The following RIOK3 variants were observed in gnomAD, a reference collection of about 807,000 sequenced individuals.
RIOK3 encodes serine/threonine-protein kinase RIO3.
RIOK3 carries 40 observed loss-of-function variants against 63.5 expected under a neutral mutation model. The observed-to-expected ratio is 0.63, with a 90% CI of 0.49 to 0.82. RIOK3 has a LOEUF of 0.82. RIOK3 is among the 40% of genes least tolerant of loss of function. The probability of loss-of-function intolerance (pLI) is 0.00; values close to 1 mark genes in which losing one functional copy is unlikely to be tolerated. For missense variants in RIOK3, 557 were observed against 637.0 expected (o/e 0.87, Z 1.35); for synonymous variants, 193 against 205.0 (o/e 0.94, Z 0.50).
Position 23,473,683 on chromosome 18 carries a change from T to TA in RIOK3, c.1013+64dup, listed in dbSNP as rs1230011639. 5.5e-6 allele frequency: 7 copies of TA among 1,284,222 alleles called. No individual in the cohort carries two copies. The Admixed American group carries it at 6.7e-5, about 12-fold the overall frequency. The allele number at this position is 1,284,222 out of a possible 1,614,324, so 79.6% of individuals were successfully genotyped here. A position where few individuals can be genotyped will look rare whatever the true frequency, so the allele number is the denominator to read the frequency against. On this transcript the variant is annotated intron_variant, in intron 8 of 12. Transcript: ENST00000339486. Reference sequence around the variant, plus strand: ...GGGTAAATACCTTTTTGCATTAGGATAAAAAAATCCATGCTTTCTTTTACA... The same window carrying TA: ...GGGTAAATACCTTTTTGCATTAGGATAAAAAAAATCCATGCTTTCTTTTACA...
intron 1 of RIOK3, among the ~76,000 whole-genome samples, chr18:23,460,740 T>TAAG (rs2057368341): frequency 6.6e-6 from 1 of 152,210 alleles, no homozygotes; most frequent in East Asian, 1.9e-4. Flanking sequence ...TTGTATCTTC[T>TAAG]ACCTAGAGGA....
chr18:23,480,555 G>GCACGCACACACA (rs1555621688), intron 12 of RIOK3, among the ~76,000 whole-genome samples: 1 of 141,988 alleles, frequency 7.0e-6, no homozygotes, highest in Non-Finnish European at 1.5e-5. Flanking sequence ...TTGGATGCAC[G>GCACGCACACACA]CACACACACA....
chr18:23,453,490 G>A lies in RIOK3; in HGVS notation c.51G>A (p.Trp17Ter). 1 of 1,613,522 alleles carries A rather than the reference G, an allele frequency of 6.2e-7. No homozygotes were observed. Reference sequence around the variant, plus strand: ...CTGAGCCCGGGACGGCAGCGGCCTGGGGACCCAGCAAGGTAAGTGGCAGAC... The same window carrying A: ...CTGAGCCCGGGACGGCAGCGGCCTGAGGACCCAGCAAGGTAAGTGGCAGAC... ...ASPEPGTAAA[W>*]GPSKCPWAIP... The change falls in exon 1 of 13, where the codon TGG (tryptophan) becomes TGA (stop). Residue 17 changes from tryptophan (W) to a stop codon, truncating the protein, a stop_gained. Coordinates refer to ENST00000339486, the MANE Select transcript of RIOK3 (RefSeq NM_003831.5). LOFTEE classifies it high-confidence loss of function.
intron 12 of RIOK3, among the ~76,000 whole-genome samples, chr18:23,480,539 G>A (rs952803037): frequency 2.1e-5 from 3 of 139,896 alleles, no homozygotes; most frequent in African/African-American, 8.1e-5. Context: ...GACTATTTGT[G>A]TATACTTGGA....
chr18:23,475,462 CAAAAAAAA>C (rs60717269), intron 9 of RIOK3, among the ~76,000 whole-genome samples: 1 of 99,324 alleles, frequency 1.0e-5, no homozygotes, highest in Non-Finnish European at 1.9e-5. Context: ...GACTCTGTCT[CAAAAAAAA>C]AAAAAAAAAA....
intron 1 of RIOK3, among the ~76,000 whole-genome samples, chr18:23,455,792 C>T (rs2057336735): frequency 6.6e-6 from 1 of 151,680 alleles, no homozygotes; most frequent in Admixed American, 6.6e-5. Context: ...TGCCACCACA[C>T]CTAGCTAATT....
chr18:23,474,603 C>T (rs987062038), intron 8 of RIOK3, among the ~76,000 whole-genome samples: 1 of 152,198 alleles, frequency 6.6e-6, no homozygotes, highest in Non-Finnish European at 1.5e-5. Context: ...CCCAAATGGA[C>T]TGTGCTCTTG....
At chr18:23,480,280 G>C (rs1490666766) in intron 12 of RIOK3, among the ~76,000 whole-genome samples, 1 of 152,226 alleles carries the variant, frequency 6.6e-6, no homozygotes, top group East Asian at 1.9e-4. Flanking sequence ...CTTGAGTTTG[G>C]GTAAGCTGGG....
In RIOK3 at chr18:23,464,107, G is replaced by A. The variant is rs771834858; in HGVS notation, c.320G>A (p.Ser107Asn). Residue 107 changes from serine to asparagine, a missense_variant, in exon 3 of 13, where the codon AGC (serine) becomes AAC (asparagine). Physicochemically the swap from Ser to Asn is conservative, Grantham distance 46. Transcript: ENST00000339486. ...GAAGAAAAAAAATTCAATGGAGATAGCAAAGGTATTATAACCTTATTGTGA... is the reference window on the plus strand; with the variant it reads ...GAAGAAAAAAAATTCAATGGAGATAACAAAGGTATTATAACCTTATTGTGA... ...RREEKKFNGD[S>N]KVSISFENYR... 8.1e-6 allele frequency: 13 copies of A among 1,610,626 alleles called. No individual in the cohort carries two copies. The highest frequency in any genetic ancestry group is 1.0e-5 in the Non-Finnish European group (12 of 1,178,572).
chr18:23,480,555 G>GCGCACACA (rs779698307), intron 12 of RIOK3, among the ~76,000 whole-genome samples: 8,720 of 142,022 alleles, frequency 0.061, 663 homozygotes, highest in Admixed American at 0.17. Context: ...TTGGATGCAC[G>GCGCACACA]CACACACACA....
chr18:23,481,059 G>A (rs1454176013), intron 12 of RIOK3, 113 bp from the exon 13 acceptor site: 4 of 706,650 alleles, frequency 5.7e-6, no homozygotes, highest in African/African-American at 1.8e-5. Flanking sequence ...CAGCCTGGAC[G>A]ACAGAGTGAG....
Position 23,453,334 on chromosome 18 carries a change from C to G in RIOK3, c.-106C>G, listed in dbSNP as rs1272610503. 2.1e-6 allele frequency: 2 copies of G among 932,724 alleles called. No individual in the cohort carries two copies. Among genetic ancestry groups the G allele is most frequent in the Admixed American group, 3.5e-5 (2 of 56,914 alleles). 57.8% of individuals were successfully genotyped at this position (932,724 alleles called of 1,614,324 possible). On this transcript the variant is annotated 5_prime_UTR_variant, in exon 1 of 13. Coordinates refer to ENST00000339486, the MANE Select transcript of RIOK3 (RefSeq NM_003831.5). Reference sequence around the variant, plus strand: ...GTCGCCGCCATCTGTCACCTCCACTCCGGCATCAGCAGCCAGTCGCCCGTG... The same window carrying G: ...GTCGCCGCCATCTGTCACCTCCACTGCGGCATCAGCAGCCAGTCGCCCGTG...
intron 5 of RIOK3, 41 bp downstream of exon 5, chr18:23,464,669 GT>G: frequency 8.4e-7 from 1 of 1,187,900 alleles, no homozygotes. Context: ...TTAGAGTTTT[GT>G]TTGAATACCT....
chr18:23,481,501 T>G lies in RIOK3; in HGVS notation c.*222T>G. The G allele has an allele frequency of 4.9e-6, 2 of 407,732 alleles. No homozygotes were observed. The highest frequency in any genetic ancestry group is 7.1e-5 in the South Asian group (1 of 14,130). 25.3% of individuals were successfully genotyped at this position (407,732 alleles called of 1,614,324 possible). On this transcript the variant is annotated 3_prime_UTR_variant, in exon 13 of 13. Transcript: ENST00000339486. ...TCATCTTATGAACAGGATAATATAA[T>G]TCTTTAACAGCTATAGGTTATCTGG... is the stretch of plus-strand genomic sequence containing the variant.
At position 23,481,265 on chromosome 18, in the gene RIOK3, C is replaced by G. The variant is rs1164894124; in HGVS notation, c.1546C>G (p.Leu516Val). The stretch of plus-strand genomic sequence containing the variant: ...GAAAGATGATGGAGACCCACCACTA[C>G]TATATGATGAATAGCACTAATACCC... ...FLKDDGDPPL[L>V]YDE Residue 516 changes from leucine (L) to valine (V), a missense_variant, in exon 13 of 13, where the codon CTA (leucine) becomes GTA (valine). This residue lies in a region of RIOK3 where 309 missense variants were observed against 338.7 expected (regional missense o/e 0.91). Coordinates refer to ENST00000339486, the MANE Select transcript of RIOK3 (RefSeq NM_003831.5). 1.9e-6 allele frequency: 3 copies of G among 1,597,610 alleles called. No individual in the cohort carries two copies. The highest frequency in any genetic ancestry group is 2.2e-5 in the East Asian group (1 of 44,802).
chr18:23,455,808 G>GT (rs1020509438), intron 1 of RIOK3, among the ~76,000 whole-genome samples: 36 of 148,854 alleles, frequency 2.4e-4, no homozygotes, highest in Admixed American at 1.1e-3. Flanking sequence ...TAATTTTTGG[G>GT]TTTTTTTTGA....
chr18:23,460,151 A>G (rs2057365169), intron 1 of RIOK3, among the ~76,000 whole-genome samples: 1 of 152,082 alleles, frequency 6.6e-6, no homozygotes, highest in Non-Finnish European at 1.5e-5. Context: ...TCTGTCACCC[A>G]GGCTGGAGTG....
At chr18:23,454,225 G>T in intron 1 of RIOK3, among the ~76,000 whole-genome samples, 1 of 152,156 alleles carries the variant, frequency 6.6e-6, no homozygotes, top group Non-Finnish European at 1.5e-5. Context: ...TGCTTCCATT[G>T]GGATTTTTTG....
rs1474266009 is a variant in RIOK3 at position 23,481,925 on chromosome 18, T to G, written c.*646T>G. 1 of 152,232 alleles carries G rather than the reference T, an allele frequency of 6.6e-6. No individual in the cohort carries two copies. Among genetic ancestry groups the G allele is most frequent in the Admixed American group, 6.5e-5 (1 of 15,278 alleles). The allele number at this position is 152,232 out of a possible 1,614,324, so 9.4% of individuals were successfully genotyped here. On this transcript the variant is annotated 3_prime_UTR_variant, in exon 13 of 13. Coordinates refer to ENST00000339486, the MANE Select transcript of RIOK3 (RefSeq NM_003831.5). The stretch of plus-strand genomic sequence containing the variant: ...TCTAAGAAAAGGCATCATAGGTTTC[T>G]GAAAGAGATAACTATATAACAGCTT...
Sources: allele counts gnomAD v4.1 joint callset (sites outside exome capture counted in the v4.1 genomes callset), GRCh38; gene constraint gnomAD v4.1.1; regional missense constraint gnomAD v4.1.1; transcripts MANE v1.5; gene names NCBI Gene and HGNC (gene_info 2026-07-23, HGNC 2026-07-21).